Variants in PCDH9 observed in about 807,000 individuals in gnomAD.
The protein encoded by PCDH9 is protocadherin-9.
In PCDH9, 24 loss-of-function variants were observed where a neutral mutation model predicts 70.6. That is an observed-to-expected ratio of 0.34 (90% CI 0.25 to 0.48). The LOEUF is 0.48. Ranked by LOEUF, PCDH9 falls within the 20% of genes least tolerant of loss-of-function variation. PCDH9 has a pLI of 0.99. For missense variants in PCDH9, 1,281 were observed against 1,503.6 expected (o/e 0.85, Z 2.45); for synonymous variants, 562 against 558.5 (o/e 1.01, Z -0.09).
chr13:66,757,673 C>T (rs757496114), intron 3 of PCDH9, among the ~76,000 whole-genome samples: 2 of 151,948 alleles, frequency 1.3e-5, no homozygotes, highest in Non-Finnish European at 2.9e-5. Flanking sequence ...ACTACTTCAC[C>T]CCTTAAAAAA....
chr13:67,127,599 G>A (rs2087008108), intron 2 of PCDH9, among the ~76,000 whole-genome samples: 1 of 151,702 alleles, frequency 6.6e-6, no homozygotes, highest in Non-Finnish European at 1.5e-5. Context: ...GCATTTTAGG[G>A]CATGCCAAGT....
intron 3 of PCDH9, among the ~76,000 whole-genome samples, chr13:66,869,001 A>C (rs1463218476): frequency 6.6e-6 from 1 of 152,174 alleles, no homozygotes. Context: ...TTATTAATTC[A>C]TAGGTTTGGC....
intron 3 of PCDH9, among the ~76,000 whole-genome samples, chr13:66,654,571 CTTATGTACCCTATAAA>C (rs2077900969): frequency 6.6e-6 from 1 of 152,028 alleles, no homozygotes. Flanking sequence ...GTATCAAAAT[CTTATGTACCCTATAAA>C]TATGTGCACC....
At chr13:66,598,068 A>G (rs1401139500) in intron 4 of PCDH9, among the ~76,000 whole-genome samples, 2 of 151,814 alleles carry the variant, frequency 1.3e-5, no homozygotes, top group Non-Finnish European at 2.9e-5. Context: ...TTAAAAAAGA[A>G]ATCCCCTGAA....
chr13:67,124,125 G>C lies in PCDH9; in HGVS notation c.3036+101280C>G, dbSNP rs73509452. On this transcript the variant is annotated intron_variant, in intron 2 of 4. Coordinates refer to ENST00000377865, the MANE Select transcript of PCDH9 (RefSeq NM_203487.3). ...ATAAGGAATCCATGGTTTCAAAAAA[G>C]TAAAATGCATGCACTCTTTAACTAC... is the stretch of plus-strand genomic sequence containing the variant. Among the ~76,000 whole-genome samples, 249 of 152,146 alleles carry C rather than the reference G, an allele frequency of 1.6e-3. 1 individual carries two copies. The highest frequency in any genetic ancestry group is 5.8e-3 in the African/African-American group (242 of 41,536).
chr13:67,179,343 A>G (rs561311323), intron 2 of PCDH9, among the ~76,000 whole-genome samples: 11 of 152,208 alleles, frequency 7.2e-5, no homozygotes, highest in Admixed American at 2.0e-4. Context: ...TGCACAACTA[A>G]TCTTTGTGAT....
chr13:66,852,759 G>A (rs571722158), intron 3 of PCDH9, among the ~76,000 whole-genome samples: 6 of 150,436 alleles, frequency 4.0e-5, no homozygotes, highest in Non-Finnish European at 8.8e-5. Context: ...GCTCTAAGTC[G>A]CATGACTCAA....
At chr13:66,752,093 A>G (rs1352622290) in intron 3 of PCDH9, among the ~76,000 whole-genome samples, 4 of 152,184 alleles carry the variant, frequency 2.6e-5, no homozygotes, top group African/African-American at 9.6e-5. Context: ...TAGCTCAAGG[A>G]AAGGGCATCG....
intron 2 of PCDH9, among the ~76,000 whole-genome samples, chr13:66,980,450 C>T (rs2083719936): frequency 6.6e-6 from 1 of 152,106 alleles, no homozygotes; most frequent in Non-Finnish European, 1.5e-5. Flanking sequence ...TTATCTTGGC[C>T]AATTTCTACA....
chr13:66,445,802 C>CGT, intron 4 of PCDH9, among the ~76,000 whole-genome samples: 1 of 123,244 alleles, frequency 8.1e-6, no homozygotes. Flanking sequence ...AATACATACA[C>CGT]ATATATTATA....
At chr13:66,349,784 C>T (rs1050660404) in intron 4 of PCDH9, among the ~76,000 whole-genome samples, 13 of 152,076 alleles carry the variant, frequency 8.5e-5, no homozygotes, top group Middle Eastern at 3.2e-3. Context: ...GCTAAGAGAA[C>T]GGAGCTCGTG....
intron 2 of PCDH9, among the ~76,000 whole-genome samples, chr13:66,969,767 G>T (rs2083487965): frequency 6.6e-6 from 1 of 151,802 alleles, no homozygotes; most frequent in African/African-American, 2.4e-5. Context: ...AATTATAGAA[G>T]CTAAATGTTT....
chr13:66,593,809 G>T (rs2077067320), intron 4 of PCDH9, among the ~76,000 whole-genome samples: 1 of 151,680 alleles, frequency 6.6e-6, no homozygotes, highest in South Asian at 2.1e-4. Context: ...TTTGTGATTT[G>T]TAATTTGTTG....
rs115444043 is a variant in PCDH9 at position 66,677,765 on chromosome 13, G to A, written c.3139-46354C>T. On this transcript the variant is annotated intron_variant, in intron 3 of 4. Transcript: ENST00000377865. Reference sequence around the variant, plus strand: ...GCAGATGCCAGCACCATGATTCCTCGAAAGCCTACAGAATTGTGAGTCAAT... The same window carrying A: ...GCAGATGCCAGCACCATGATTCCTCAAAAGCCTACAGAATTGTGAGTCAAT... 2.8e-3 allele frequency among the ~76,000 whole-genome samples: 430 copies of A among 152,106 alleles called. 2 individuals are homozygous for A. Among genetic ancestry groups the A allele is most frequent in the African/African-American group, 8.9e-3 (369 of 41,512 alleles).
intron 2 of PCDH9, among the ~76,000 whole-genome samples, chr13:67,134,527 C>G (rs1411127564): frequency 6.6e-6 from 1 of 152,076 alleles, no homozygotes; most frequent in East Asian, 1.9e-4. Flanking sequence ...GGAACTACAG[C>G]CAGTTCTCTC....
At chr13:66,822,056 A>G (rs1204177036) in intron 3 of PCDH9, among the ~76,000 whole-genome samples, 2 of 152,008 alleles carry the variant, frequency 1.3e-5, no homozygotes, top group African/African-American at 4.8e-5. Context: ...ACACATCAGC[A>G]TGATTCAGCT....
chr13:66,811,075 G>C (rs1280908686), intron 3 of PCDH9, among the ~76,000 whole-genome samples: 2 of 151,830 alleles, frequency 1.3e-5, no homozygotes, highest in Non-Finnish European at 2.9e-5. Context: ...GCATATTTGG[G>C]TCAAAAATAA....
intron 4 of PCDH9, among the ~76,000 whole-genome samples, chr13:66,621,237 T>C (rs1052201959): frequency 6.6e-6 from 1 of 152,180 alleles, no homozygotes; most frequent in Non-Finnish European, 1.5e-5. Flanking sequence ...CTGATGGTTA[T>C]GTTACATTAC....
chr13:67,221,002 T>C (rs1426922016), intron 2 of PCDH9: 1 of 152,096 alleles, frequency 6.6e-6, no homozygotes, highest in Admixed American at 6.6e-5. Flanking sequence ...CTGGGTATCT[T>C]CTACCTCATA....
Sources: allele counts gnomAD v4.1 joint callset (sites outside exome capture counted in the v4.1 genomes callset), GRCh38; gene constraint gnomAD v4.1.1; transcripts MANE v1.5; gene names NCBI Gene and HGNC (gene_info 2026-07-23, HGNC 2026-07-21).